LARGE1: variants seen among roughly 807,000 people sequenced by gnomAD.
LARGE1 encodes the protein LARGE xylosyl- and glucuronyltransferase 1.
LARGE1 carries 43 observed loss-of-function variants against 87.6 expected under a neutral mutation model. That is an observed-to-expected ratio of 0.49 (90% CI 0.38 to 0.63). The LOEUF (loss-of-function observed/expected upper bound fraction) is 0.63, where lower values mean the gene tolerates loss of function less well. Ranked by LOEUF, LARGE1 falls within the 30% of genes least tolerant of loss-of-function variation. The pLI, the probability that LARGE1 is intolerant of heterozygous loss-of-function variation, is 0.00. For synonymous variants in LARGE1, 434 were observed against 394.6 expected (o/e 1.10, Z -1.18); for missense variants, 802 against 1,000.2 (o/e 0.80, Z 2.67).
chr22:33,376,768 T>C (rs2065007363), intron 9 of LARGE1, among the ~76,000 whole-genome samples: 1 of 152,248 alleles, frequency 6.6e-6, no homozygotes, highest in African/African-American at 2.4e-5. Flanking sequence ...CTGTTACTTG[T>C]TCAAATTTTT....
chr22:33,719,531 A>ATTTT lies in LARGE1; in HGVS notation c.106+41836_106+41839dup, dbSNP rs1556011065. Among the ~76,000 whole-genome samples, 110 of 149,822 alleles carry ATTTT rather than the reference A, an allele frequency of 7.3e-4. 1 individual carries two copies. The Middle Eastern group carries it at 0.01, about 14-fold the overall frequency. Reference sequence around the variant, plus strand: ...TATTTATTTATTTATTTATTTATTTATTTTTTTGAGACAGAGTCTCACTCT... The same window carrying ATTTT: ...TATTTATTTATTTATTTATTTATTTATTTTTTTTTTTGAGACAGAGTCTCACTCT... On this transcript the variant is annotated intron_variant, in intron 2 of 14. Coordinates refer to ENST00000397394, the MANE Select transcript of LARGE1 (RefSeq NM_133642.5).
At chr22:33,533,371 C>T (rs1199952948) in intron 6 of LARGE1, among the ~76,000 whole-genome samples, 1 of 152,180 alleles carries the variant, frequency 6.6e-6, no homozygotes, top group Non-Finnish European at 1.5e-5. Context: ...AGCTGGGTTC[C>T]ATTCGAGCAC....
At chr22:33,593,886 C>T (rs570417457) in intron 5 of LARGE1, among the ~76,000 whole-genome samples, 9 of 152,260 alleles carry the variant, frequency 5.9e-5, no homozygotes, top group African/African-American at 1.9e-4. Context: ...TTATTTCCAT[C>T]GGGTAGCGCT....
chr22:33,241,601 CAT>C (rs904610370), intron 11 of LARGE1, among the ~76,000 whole-genome samples: 5 of 150,652 alleles, frequency 3.3e-5, no homozygotes, highest in Admixed American at 6.6e-5. Flanking sequence ...TATATATGTA[CAT>C]ATATATGTAT....
At chr22:33,535,388 C>T (rs774294820) in intron 6 of LARGE1, among the ~76,000 whole-genome samples, 12 of 151,946 alleles carry the variant, frequency 7.9e-5, no homozygotes, top group Non-Finnish European at 8.8e-5. Context: ...ACTAAAAATA[C>T]GAAAATTTGC....
chr22:33,472,315 A>G lies in LARGE1; in HGVS notation c.788-40050T>C, dbSNP rs76980158. On this transcript the variant is annotated intron_variant, in intron 6 of 14. Coordinates refer to ENST00000397394, the MANE Select transcript of LARGE1 (RefSeq NM_133642.5). ...TGTCAACAGTTTGTACTGATGAAGG[A>G]GACAAAGAGAGAGACAGGCATGCAG... Among the ~76,000 whole-genome samples, 485 of 152,336 alleles carry G rather than the reference A, an allele frequency of 3.2e-3. 3 individuals are homozygous for G. The highest frequency in any genetic ancestry group is 0.021 in the South Asian group (102 of 4,824).
At chr22:33,152,664 G>A in the LARGE1 span, among the ~76,000 whole-genome samples, 1 of 152,166 alleles carries the variant, frequency 6.6e-6, no homozygotes, top group South Asian at 2.1e-4. Context: ...TGGTATACAT[G>A]TGCAATGCAT....
chr22:33,085,725 A>G, the LARGE1 span, among the ~76,000 whole-genome samples: 1 of 152,242 alleles, frequency 6.6e-6, no homozygotes, highest in Non-Finnish European at 1.5e-5. Flanking sequence ...AATGAAAATT[A>G]TAATTTCAGC....
intron 1 of LARGE1, among the ~76,000 whole-genome samples, chr22:33,772,564 C>T (rs181295232): frequency 6.6e-6 from 1 of 152,130 alleles, no homozygotes; most frequent in Non-Finnish European, 1.5e-5. Flanking sequence ...TGGACTGCAT[C>T]CTTATCCCTC....
chr22:33,093,791 A>G, the LARGE1 span, among the ~76,000 whole-genome samples: 1 of 149,784 alleles, frequency 6.7e-6, no homozygotes, highest in South Asian at 2.1e-4. Flanking sequence ...GAGTGGTCAG[A>G]AAGTCCTTGA....
the LARGE1 span, among the ~76,000 whole-genome samples, chr22:33,130,239 G>A: frequency 2.0e-5 from 3 of 149,208 alleles, no homozygotes; most frequent in Middle Eastern, 3.4e-3. Flanking sequence ...GCGTGAACCC[G>A]GGAGGCAGAG....
intron 4 of LARGE1, among the ~76,000 whole-genome samples, chr22:33,625,427 T>G (rs1042574729): frequency 1.3e-5 from 2 of 152,158 alleles, no homozygotes; most frequent in African/African-American, 4.8e-5. Context: ...GAACCAATCC[T>G]TAGGATGATG....
chr22:33,782,163 ATCC>A (rs1233156093), intron 1 of LARGE1, among the ~76,000 whole-genome samples: 1 of 152,172 alleles, frequency 6.6e-6, no homozygotes, highest in Non-Finnish European at 1.5e-5. Context: ...TGTTTGTTTT[ATCC>A]TCCTCCTCCT....
In LARGE1 at chr22:33,311,592, T is replaced by C. The variant is rs150887055; in HGVS notation, c.1451+4493A>G. Reference sequence around the variant, plus strand: ...TGAATCTGACGTTATCACCATCTCGTAGATGAGTCAAGTGAGGCTCAAAAA... The same window carrying C: ...TGAATCTGACGTTATCACCATCTCGCAGATGAGTCAAGTGAGGCTCAAAAA... On this transcript the variant is annotated intron_variant, in intron 11 of 14. Coordinates refer to ENST00000397394, the MANE Select transcript of LARGE1 (RefSeq NM_133642.5). 3.9e-5 allele frequency among the ~76,000 whole-genome samples: 6 copies of C among 152,340 alleles called. No homozygotes were observed. In the East Asian group the frequency reaches 1.2e-3, roughly 29 times the overall value.
At chr22:33,281,650 A>C (rs1930467244) in intron 13 of LARGE1, among the ~76,000 whole-genome samples, 1 of 152,128 alleles carries the variant, frequency 6.6e-6, no homozygotes, top group South Asian at 2.1e-4. Context: ...AGTGGTAGTT[A>C]TTTCTTTCAG....
intron 2 of LARGE1, among the ~76,000 whole-genome samples, chr22:33,686,818 T>C (rs1262168776): frequency 2.0e-5 from 3 of 152,160 alleles, no homozygotes; most frequent in African/African-American, 7.2e-5. Context: ...CAAACAAAAA[T>C]ATAGGATGTT....
rs1317722704 is a variant in LARGE1, at chr22:33,833,083, A to G, written c.-82-71525T>C. 6.6e-5 allele frequency among the ~76,000 whole-genome samples: 10 copies of G among 152,280 alleles called. No homozygotes were observed. In the East Asian group the frequency reaches 1.2e-3, roughly 18 times the overall value. ...TGGCAGTCAACTCCAGAACCCCAAG[A>G]GCACTGTGCTCACCAAGCAGATGAT... is the stretch of plus-strand genomic sequence containing the variant. On this transcript the variant is annotated intron_variant, in intron 1 of 14. Coordinates refer to ENST00000397394, the MANE Select transcript of LARGE1 (RefSeq NM_133642.5).
chr22:33,765,239 T>G (rs2084864115), intron 1 of LARGE1, among the ~76,000 whole-genome samples: 1 of 152,202 alleles, frequency 6.6e-6, no homozygotes, highest in Admixed American at 6.5e-5. Flanking sequence ...CCTCAGGCTC[T>G]GCTCTCCCTC....
At chr22:33,739,418 A>T (rs1186441471) in intron 2 of LARGE1, among the ~76,000 whole-genome samples, 1 of 152,206 alleles carries the variant, frequency 6.6e-6, no homozygotes, top group African/African-American at 2.4e-5. Context: ...GCTGAATAGG[A>T]TTTCATAAAC....
Sources: gnomAD v4.1 joint callset for allele counts (sites outside exome capture counted in the v4.1 genomes callset) on GRCh38, gnomAD v4.1.1 for gene constraint, MANE v1.5 for transcripts, NCBI Gene and HGNC (gene_info 2026-07-23, HGNC 2026-07-21) for gene names.